KRT8: variants seen among roughly 807,000 people sequenced by gnomAD.
KRT8 encodes keratin, type II cytoskeletal 8.
A neutral mutation model predicts 43.0 loss-of-function variants in KRT8; 24 were observed. That is an observed-to-expected ratio of 0.56 (90% confidence interval 0.40 to 0.78). KRT8 has a LOEUF of 0.78. Ranked by LOEUF, KRT8 falls within the 30% of genes least tolerant of loss-of-function variation. The pLI, the probability that KRT8 is intolerant of heterozygous loss-of-function variation, is 0.00. For missense variants in KRT8, 492 were observed against 638.4 expected, an observed-to-expected ratio of 0.77 and a Z score of 2.47; for synonymous variants, 214 against 261.2, an observed-to-expected ratio of 0.82 and a Z score of 1.74.
chr12:52,898,830 C>A, exon 6 of KRT8: 4 of 1,613,610 alleles, frequency 2.5e-6, no homozygotes, highest in Non-Finnish European at 3.4e-6. Context: ...GACAACTTGG[C>A]GTTGGCATCC....
intron 2 of KRT8, among the ~76,000 whole-genome samples, chr12:52,945,165 C>A (rs1368763745): frequency 1.3e-5 from 2 of 152,200 alleles, no homozygotes; most frequent in East Asian, 1.9e-4. Context: ...TACCCCAGAT[C>A]TCCCTCTGTC....
At chr12:52,910,231 G>A (rs554440787), upstream of KRT8, among the ~76,000 whole-genome samples, 51 of 152,218 alleles carry the variant, frequency 3.4e-4, 1 homozygote, top group African/African-American at 7.7e-4. Context: ...CATCAAGATC[G>A]CCCGTGGGAG....
intron 2 of KRT8, among the ~76,000 whole-genome samples, chr12:52,923,337 C>A (rs1241185085): frequency 1.3e-5 from 2 of 152,192 alleles, no homozygotes; most frequent in Non-Finnish European, 2.9e-5. Flanking sequence ...TGACATTGGA[C>A]AAGTTACTGC....
intron 2 of KRT8, among the ~76,000 whole-genome samples, chr12:52,932,820 A>C (rs773203757): frequency 1.3e-5 from 2 of 152,118 alleles, no homozygotes; most frequent in Non-Finnish European, 2.9e-5. Flanking sequence ...AAAAAACAAA[A>C]ACAAAAAAAT....
chr12:52,935,428 C>T (rs1192869012), intron 2 of KRT8, among the ~76,000 whole-genome samples: 1 of 130,884 alleles, frequency 7.6e-6, no homozygotes, highest in African/African-American at 2.9e-5. Context: ...CACAGTGGCT[C>T]ACACCTGTAA....
At chr12:52,941,612 C>T (rs147666587) in intron 2 of KRT8, among the ~76,000 whole-genome samples, 12,586 of 150,616 alleles carry the variant, frequency 0.084, 1,815 homozygotes, top group African/African-American at 0.29. Context: ...CCTCAGCCTC[C>T]CGAGTAGCTG....
At chr12:52,949,733 A>T in exon 1 of KRT8, 1 of 776,268 alleles carries the variant, frequency 1.3e-6, no homozygotes, top group East Asian at 2.7e-5. Flanking sequence ...CCATCCGCGC[A>T]CCTAGCCACA....
chr12:52,948,831 G>C (rs892020611), intron 2 of KRT8: 6 of 412,784 alleles, frequency 1.5e-5, no homozygotes, highest in Non-Finnish European at 1.3e-5. Context: ...TCCTCCACCT[G>C]GGGGAGAAGA....
chr12:52,941,540 G>C lies in KRT8; in HGVS notation c.-47+7916C>G, dbSNP rs1270925980. Among the ~76,000 whole-genome samples the C allele has an allele frequency of 1.5e-4, 21 of 139,358 alleles. No individual in the cohort carries two copies. In the Admixed American group the frequency reaches 1.6e-3, roughly 11 times the overall value. 91.4% of individuals were successfully genotyped at this position (139,358 alleles called of 152,430 possible). The stretch of plus-strand genomic sequence containing the variant: ...TTTCACTCTTGTTACCCAGGCTGGA[G>C]TGCAATGGCGTGATCTCAGCTCACC... On this transcript the variant is annotated intron_variant, in intron 2 of 6. Transcript: ENST00000546826.
At chr12:52,949,770 T>C (rs1942444782) in exon 1 of KRT8, 1 of 719,236 alleles carries the variant, frequency 1.4e-6, no homozygotes, top group Non-Finnish European at 2.6e-6. Context: ...CAGCTAGGCA[T>C]GGGAGGGCTC....
In KRT8 at chr12:52,925,231, G is replaced by C. The variant is rs114819097; in HGVS notation, c.-46-20204C>G. On this transcript the variant is annotated intron_variant, in intron 2 of 6. Transcript: ENST00000546826. ...CAAGGTCAGGACCGGGAGGAATGCA[G>C]CTGGAGGAGGTGTGTATGCACAGTC... is the stretch of plus-strand genomic sequence containing the variant. Among the ~76,000 whole-genome samples the C allele has an allele frequency of 2.6e-5, 4 of 152,208 alleles. No homozygotes were observed. The East Asian group carries it at 7.7e-4, about 29-fold the overall frequency.
intron 2 of KRT8, among the ~76,000 whole-genome samples, chr12:52,929,592 CT>C (rs1310894298): frequency 2.0e-5 from 3 of 152,086 alleles, no homozygotes; most frequent in Non-Finnish European, 4.4e-5. Context: ...TCCTTGAATC[CT>C]TTTTATCTAT....
intron 2 of KRT8, among the ~76,000 whole-genome samples, chr12:52,931,070 T>TG (rs371360669): frequency 0.02 from 2,854 of 146,080 alleles, 54 homozygotes; most frequent in African/African-American, 0.048. Flanking sequence ...TCCCCCAGAT[T>TG]CTTTTTTTTT....
At chr12:52,912,969 T>C (rs2120619879) in intron 2 of KRT8, among the ~76,000 whole-genome samples, 1 of 152,264 alleles carries the variant, frequency 6.6e-6, no homozygotes, top group East Asian at 1.9e-4. Flanking sequence ...GCAACCTGGT[T>C]TTGTGAAATG....
rs1234317870 is a variant in KRT8, at chr12:52,900,190, G to T, written c.691-125C>A. ...AGGAGAGGAGCAGGTGGGAGTCAGG[G>T]TCAGGGAGAGGGCAAAGTTCCTGAA... On this transcript the variant is annotated intron_variant, in intron 4 of 7. Coordinates refer to ENST00000692008, the Ensembl canonical transcript of KRT8. 3.1e-6 allele frequency: 3 copies of T among 954,072 alleles called. No individual in the cohort carries two copies. The East Asian group carries it at 7.8e-5, about 25-fold the overall frequency. The allele number at this position is 954,072 out of a possible 1,614,324, so 59.1% of individuals were successfully genotyped here. A position where few individuals can be genotyped will look rare whatever the true frequency, so the allele number is the denominator to read the frequency against.
chr12:52,943,512 G>A (rs1304470918), intron 2 of KRT8, among the ~76,000 whole-genome samples: 1 of 152,058 alleles, frequency 6.6e-6, no homozygotes, highest in Non-Finnish European at 1.5e-5. Context: ...AAGTCCCTCT[G>A]TGCTGACTCT....
At chr12:52,943,565 C>T (rs1298690847) in intron 2 of KRT8, among the ~76,000 whole-genome samples, 1 of 152,238 alleles carries the variant, frequency 6.6e-6, no homozygotes. Flanking sequence ...CCACCTCACC[C>T]ACAACTGGGT....
intron 2 of KRT8, among the ~76,000 whole-genome samples, chr12:52,928,718 A>G (rs1473884090): frequency 6.6e-6 from 1 of 152,190 alleles, no homozygotes; most frequent in Non-Finnish European, 1.5e-5. Context: ...CAGCCTGGCT[A>G]ACATAGTGAA....
chr12:52,898,757 T>G, exon 6 of KRT8: 1 of 1,614,240 alleles, frequency 6.2e-7, no homozygotes, highest in Non-Finnish European at 8.5e-7. Context: ...CATCAGCTCC[T>G]GGTACTCACG....
Sources: allele counts gnomAD v4.1 joint callset (sites outside exome capture counted in the v4.1 genomes callset), GRCh38; gene constraint gnomAD v4.1.1; transcripts MANE v1.5; gene names NCBI Gene and HGNC (gene_info 2026-07-23, HGNC 2026-07-21).